Variants in NEK11 observed in about 807,000 individuals in gnomAD.
The protein encoded by NEK11 is NIMA related kinase 11, also known as serine/threonine-protein kinase Nek11.
NEK11 carries 72 observed loss-of-function variants against 80.7 expected under a neutral mutation model. That is an observed-to-expected ratio of 0.89 (90% CI 0.74 to 1.08). NEK11 has a LOEUF of 1.08. Ranked by LOEUF, NEK11 falls within the 50% of genes least tolerant of loss-of-function variation. NEK11 has a pLI of 0.00. For synonymous variants in NEK11, 251 were observed against 260.7 expected, an observed-to-expected ratio of 0.96 and a Z score of 0.36; for missense variants, 764 against 763.6, an observed-to-expected ratio of 1.00 and a Z score of -0.01.
chr3:131,145,492 T>C (rs1176571706), intron 7 of NEK11, among the ~76,000 whole-genome samples: 1 of 152,128 alleles, frequency 6.6e-6, no homozygotes, highest in African/African-American at 2.4e-5. Context: ...GTGTGCCCTA[T>C]ATTTGCCGTG....
At chr3:131,291,844 C>A (rs575408786) in intron 17 of NEK11, among the ~76,000 whole-genome samples, 1 of 152,202 alleles carries the variant, frequency 6.6e-6, no homozygotes, top group South Asian at 2.1e-4. Flanking sequence ...TGCATAATAG[C>A]CCCTTATCAG....
At chr3:131,050,412 T>A (rs1243652630) in intron 3 of NEK11, among the ~76,000 whole-genome samples, 1 of 152,188 alleles carries the variant, frequency 6.6e-6, no homozygotes. Context: ...ACGGTTCATC[T>A]ATTCATGCTG....
At chr3:131,270,283 A>G (rs961196337) in intron 16 of NEK11, among the ~76,000 whole-genome samples, 1 of 152,216 alleles carries the variant, frequency 6.6e-6, no homozygotes, top group Admixed American at 6.5e-5. Context: ...CCCACAAATT[A>G]TGTAGCTGGC....
At chr3:131,303,516 G>C (rs1238848646) in intron 17 of NEK11, among the ~76,000 whole-genome samples, 4 of 152,142 alleles carry the variant, frequency 2.6e-5, no homozygotes, top group African/African-American at 9.7e-5. Context: ...TTTGTAAGGT[G>C]GGTCTGATGG....
intron 14 of NEK11, among the ~76,000 whole-genome samples, chr3:131,193,022 T>C (rs1406974031): frequency 1.3e-5 from 2 of 152,202 alleles, no homozygotes; most frequent in African/African-American, 4.8e-5. Flanking sequence ...TACATGGTTA[T>C]ATCTATAGAT....
At chr3:131,199,370 CTATAA>C in intron 14 of NEK11, among the ~76,000 whole-genome samples, 1 of 151,958 alleles carries the variant, frequency 6.6e-6, no homozygotes, top group Middle Eastern at 3.4e-3. Context: ...AAAAATAAAA[CTATAA>C]TATATCACAG....
intron 4 of NEK11, among the ~76,000 whole-genome samples, chr3:131,085,107 A>G: frequency 1.3e-5 from 2 of 152,326 alleles, no homozygotes; most frequent in East Asian, 3.9e-4. Flanking sequence ...CGAAAATTGC[A>G]CAACTTGTTC....
intron 17 of NEK11, among the ~76,000 whole-genome samples, chr3:131,302,561 A>G (rs1416028019): frequency 1.3e-5 from 2 of 152,194 alleles, no homozygotes; most frequent in African/African-American, 2.4e-5. Context: ...CTTTGTTCTC[A>G]TTAGTTTCAA....
In NEK11 at chr3:131,296,439, G is replaced by C. The variant is rs114948938; in HGVS notation, c.1718+22865G>C. Reference sequence around the variant, plus strand: ...GTGATCTTTCTTTATGTAGACCTGAGTTTCTGACCTATGTTATTTTCCTTC... The same window carrying C: ...GTGATCTTTCTTTATGTAGACCTGACTTTCTGACCTATGTTATTTTCCTTC... On this transcript the variant is annotated intron_variant, in intron 17 of 17. Transcript: ENST00000383366. Among the ~76,000 whole-genome samples the C allele has an allele frequency of 6.7e-3, 1,013 of 152,196 alleles. 3 individuals are homozygous for C. The highest frequency in any genetic ancestry group is 0.011 in the Non-Finnish European group (720 of 68,008).
chr3:131,174,769 A>T (rs373488954), intron 14 of NEK11: 90 of 1,610,084 alleles, frequency 5.6e-5, no homozygotes, highest in Non-Finnish European at 7.4e-5. Flanking sequence ...TTTTTTAGCA[A>T]CTCACAGCTG....
At chr3:131,038,850 G>A (rs1577293523) in intron 3 of NEK11, among the ~76,000 whole-genome samples, 1 of 152,124 alleles carries the variant, frequency 6.6e-6, no homozygotes, top group East Asian at 1.9e-4. Flanking sequence ...TCAATGTGTT[G>A]TTCTGGTGGA....
At chr3:131,155,610 T>C (rs967663525) in intron 10 of NEK11, among the ~76,000 whole-genome samples, 2 of 152,194 alleles carry the variant, frequency 1.3e-5, no homozygotes, top group Non-Finnish European at 2.9e-5. Flanking sequence ...CAAAGAAACA[T>C]AATTATTTCC....
intron 17 of NEK11, among the ~76,000 whole-genome samples, chr3:131,306,715 C>A (rs552101834): frequency 1.9e-4 from 29 of 152,192 alleles, no homozygotes; most frequent in Non-Finnish European, 4.0e-4. Flanking sequence ...CTTCTCTTTT[C>A]CCCCTACTGG....
chr3:131,135,559 G>T (rs1413635611), intron 7 of NEK11, among the ~76,000 whole-genome samples: 1 of 152,110 alleles, frequency 6.6e-6, no homozygotes. Flanking sequence ...CCTATCAAGA[G>T]AAATCTTGCT....
In NEK11 at chr3:131,243,439, A is replaced by G. The variant is rs746084355; in HGVS notation, c.1564A>G (p.Ser522Gly). 1.9e-6 allele frequency: 3 copies of G among 1,612,502 alleles called. No individual in the cohort carries two copies. The highest frequency in any genetic ancestry group is 3.3e-5 in the Admixed American group (2 of 59,864). ...QPAYRTNQQD[S>G]DIEALARCLE... ...CATTTCTCCCTTATTTTGACAGGACAGTGATATCGAAGCGTTGGCCAGGTG... is the reference window on the plus strand; with the variant it reads ...CATTTCTCCCTTATTTTGACAGGACGGTGATATCGAAGCGTTGGCCAGGTG... The change falls in exon 16 of 18, where the codon AGT (serine) becomes GGT (glycine). Residue 522 changes from serine (S) to glycine (G), a missense_variant. Coordinates refer to ENST00000383366, the MANE Select transcript of NEK11 (RefSeq NM_024800.5).
intron 17 of NEK11, among the ~76,000 whole-genome samples, chr3:131,287,944 T>C (rs562887604): frequency 3.9e-5 from 6 of 152,346 alleles, no homozygotes; most frequent in Non-Finnish European, 8.8e-5. Context: ...GTTCCTGCCA[T>C]AGAAACTATC....
At chr3:131,233,268 C>T (rs1019959970) in intron 15 of NEK11, among the ~76,000 whole-genome samples, 1 of 152,132 alleles carries the variant, frequency 6.6e-6, no homozygotes, top group African/African-American at 2.4e-5. Context: ...CCCTAACTTC[C>T]CCATAGTGCT....
intron 5 of NEK11, among the ~76,000 whole-genome samples, chr3:131,111,944 G>C (rs2080205340): frequency 6.6e-6 from 1 of 151,990 alleles, no homozygotes; most frequent in African/African-American, 2.4e-5. Flanking sequence ...AGCAAGTGTT[G>C]GTAAACATAT....
At chr3:131,267,487 T>G (rs1188385504) in intron 16 of NEK11, among the ~76,000 whole-genome samples, 1 of 152,232 alleles carries the variant, frequency 6.6e-6, no homozygotes, top group African/African-American at 2.4e-5. Context: ...GGTTGAAAAT[T>G]CTTTTATTTA....
Sources: gnomAD v4.1 joint callset for allele counts (sites outside exome capture counted in the v4.1 genomes callset) on GRCh38, gnomAD v4.1.1 for gene constraint, MANE v1.5 for transcripts, NCBI Gene and HGNC (gene_info 2026-07-23, HGNC 2026-07-21) for gene names.